Variants in DCLK1 observed in about 807,000 individuals in gnomAD.
The protein encoded by DCLK1 is doublecortin like kinase 1.
DCLK1 carries 16 observed loss-of-function variants against 86.2 expected under a neutral mutation model. That is an observed-to-expected ratio of 0.19 (90% CI 0.13 to 0.28). DCLK1 has a LOEUF of 0.28. DCLK1 is among the 10% of genes least tolerant of loss of function. The probability of loss-of-function intolerance (pLI) is 1.00; values close to 1 mark genes in which losing one functional copy is unlikely to be tolerated. For missense variants in DCLK1, 590 were observed against 940.2 expected (o/e 0.63, Z 4.87); for synonymous variants, 369 against 370.5 (o/e 1.00, Z 0.05).
intron 6 of DCLK1, among the ~76,000 whole-genome samples, chr13:35,840,381 G>A (rs572818294): frequency 1.3e-5 from 2 of 152,310 alleles, no homozygotes; most frequent in South Asian, 4.1e-4. Context: ...AGTCACTGCA[G>A]AGCCATCTAA....
rs771983964 is a variant in DCLK1, at chr13:35,947,377, A to G, written c.804T>C (p.Asp268=). Residue 268 remains aspartate (D), a synonymous_variant, in exon 4 of 17, where the codon GAT becomes GAC. Transcript: ENST00000360631. ...CGPEKFRYQD[D]FLLDESECRV... ...CCTTACCACTTTCATCTAGCAAGAA[A>G]TCATCCTGGTAACGGAACTTCTCCG... 9 of 1,613,830 alleles carry G rather than the reference A, an allele frequency of 5.6e-6. No individual in the cohort carries two copies. Among genetic ancestry groups the G allele is most frequent in the Middle Eastern group, 1.6e-4 (1 of 6,084 alleles).
At chr13:35,930,485 C>A (rs1259600527) in intron 4 of DCLK1, among the ~76,000 whole-genome samples, 1 of 152,138 alleles carries the variant, frequency 6.6e-6, no homozygotes, top group Non-Finnish European at 1.5e-5. Flanking sequence ...CTGGTAGTCC[C>A]AGCTACTCAA....
chr13:35,917,536 G>A (rs898667469), intron 4 of DCLK1, among the ~76,000 whole-genome samples: 1 of 152,298 alleles, frequency 6.6e-6, no homozygotes, highest in South Asian at 2.1e-4. Context: ...GACTTAGGAG[G>A]TGGAGGACAA....
intron 4 of DCLK1, among the ~76,000 whole-genome samples, chr13:35,909,187 C>T (rs1465880758): frequency 1.3e-5 from 2 of 152,156 alleles, no homozygotes; most frequent in Non-Finnish European, 2.9e-5. Flanking sequence ...AATGAGGTGG[C>T]TGTAGGTGGG....
chr13:36,092,982 A>T (rs1331528835), intron 3 of DCLK1, among the ~76,000 whole-genome samples: 1 of 152,232 alleles, frequency 6.6e-6, no homozygotes, highest in Admixed American at 6.5e-5. Flanking sequence ...AAAGAAAAAA[A>T]TGGCTTTGGA....
At chr13:36,080,121 G>A (rs1884368974) in intron 3 of DCLK1, among the ~76,000 whole-genome samples, 2 of 151,094 alleles carry the variant, frequency 1.3e-5, no homozygotes, top group South Asian at 4.2e-4. Context: ...AAAAAAAAAT[G>A]TCTGTTTCTA....
intron 2 of DCLK1, among the ~76,000 whole-genome samples, chr13:36,120,478 A>G (rs1438830464): frequency 1.3e-5 from 2 of 152,184 alleles, no homozygotes; most frequent in African/African-American, 4.8e-5. Flanking sequence ...AGGCTATACC[A>G]TATAGCCTAG....
chr13:35,905,316 G>C (rs1874618928), intron 4 of DCLK1, among the ~76,000 whole-genome samples: 1 of 152,210 alleles, frequency 6.6e-6, no homozygotes, highest in Non-Finnish European at 1.5e-5. Context: ...TTTTCTTCTG[G>C]CACAGTGTAG....
At chr13:35,981,680 T>C (rs952213028) in intron 3 of DCLK1, among the ~76,000 whole-genome samples, 13 of 152,232 alleles carry the variant, frequency 8.5e-5, no homozygotes, top group Non-Finnish European at 1.9e-4. Flanking sequence ...ATTTTATTTA[T>C]CCATTCTTCT....
At chr13:35,924,170 G>A (rs1447084099) in intron 4 of DCLK1, among the ~76,000 whole-genome samples, 1 of 152,086 alleles carries the variant, frequency 6.6e-6, no homozygotes. Flanking sequence ...TGCCTCATCT[G>A]GTTCAAGACC....
chr13:36,084,995 C>T (rs1333251257), intron 3 of DCLK1, among the ~76,000 whole-genome samples: 1 of 152,098 alleles, frequency 6.6e-6, no homozygotes, highest in Admixed American at 6.5e-5. Context: ...TTCTCATTAC[C>T]ACCATGTGGC....
intron 7 of DCLK1, among the ~76,000 whole-genome samples, chr13:35,838,505 T>C (rs369592499): frequency 1.2e-4 from 19 of 152,200 alleles, no homozygotes; most frequent in South Asian, 6.2e-4. Context: ...ACGCAGAGAG[T>C]TGAAAATGCT....
At chr13:35,858,141 G>T (rs1871179142) in intron 5 of DCLK1, among the ~76,000 whole-genome samples, 1 of 152,178 alleles carries the variant, frequency 6.6e-6, no homozygotes, top group Non-Finnish European at 1.5e-5. Flanking sequence ...CAAGGAGAAT[G>T]TCAAGGTAGG....
intron 3 of DCLK1, among the ~76,000 whole-genome samples, chr13:36,025,944 CT>C (rs1250357081): frequency 9.2e-5 from 14 of 151,994 alleles, no homozygotes; most frequent in Admixed American, 6.6e-5. Flanking sequence ...ATAATTAGGA[CT>C]TGATCTAGGA....
intron 3 of DCLK1, among the ~76,000 whole-genome samples, chr13:36,059,029 C>T (rs971947808): frequency 5.3e-5 from 8 of 152,098 alleles, no homozygotes; most frequent in East Asian, 3.9e-4. Context: ...ACCTGCAAAA[C>T]GCTACCTTTA....
At chr13:36,115,747 A>T (rs897395208) in intron 2 of DCLK1, among the ~76,000 whole-genome samples, 2 of 151,032 alleles carry the variant, frequency 1.3e-5, no homozygotes, top group Non-Finnish European at 3.0e-5. Context: ...CAGTTTTTTT[A>T]AAAGTAAGGA....
chr13:35,808,221 T>C lies in DCLK1; in HGVS notation c.1863+3A>G, dbSNP rs1310127795. ...AGGGAAGAGGAAGGCACTGGACACCTACCTTTGCAGAATCGGAAACATTAT... is the reference window on the plus strand; with the variant it reads ...AGGGAAGAGGAAGGCACTGGACACCCACCTTTGCAGAATCGGAAACATTAT... On this transcript the variant is annotated splice_donor_region_variant and intron_variant, in intron 14 of 16. Coordinates refer to ENST00000360631, the MANE Select transcript of DCLK1 (RefSeq NM_001330071.2). The C allele has an allele frequency of 1.2e-5, 20 of 1,613,844 alleles. No homozygotes were observed. Among genetic ancestry groups the C allele is most frequent in the Non-Finnish European group, 1.6e-5 (19 of 1,179,742 alleles).
At chr13:36,080,206 A>G (rs759860270) in intron 3 of DCLK1, among the ~76,000 whole-genome samples, 9 of 152,146 alleles carry the variant, frequency 5.9e-5, no homozygotes, top group Admixed American at 6.5e-5. Flanking sequence ...GGAAGGTGAG[A>G]AAGGAGAGCA....
intron 16 of DCLK1, among the ~76,000 whole-genome samples, chr13:35,792,820 A>G (rs1593593292): frequency 6.6e-6 from 1 of 152,336 alleles, no homozygotes; most frequent in Non-Finnish European, 1.5e-5. Context: ...AAAGACTTTC[A>G]ACTTTAAGAA....
Sources: allele counts gnomAD v4.1 joint callset (sites outside exome capture counted in the v4.1 genomes callset), GRCh38; gene constraint gnomAD v4.1.1; transcripts MANE v1.5; gene names NCBI Gene and HGNC (gene_info 2026-07-23, HGNC 2026-07-21).